The following LRP1B variants were observed in gnomAD, a reference collection of about 807,000 sequenced individuals.
LRP1B encodes low-density lipoprotein receptor-related protein 1B.
In LRP1B, 217 loss-of-function variants were observed where a neutral mutation model predicts 556.6. The observed-to-expected ratio is 0.39, with a 90% CI of 0.35 to 0.44. LRP1B has a LOEUF of 0.44. Ranked by LOEUF, LRP1B falls within the 20% of genes least tolerant of loss-of-function variation. LRP1B has a pLI of 1.00. For missense variants in LRP1B, 5,053 were observed against 5,620.8 expected (o/e 0.90, Z 3.23); for synonymous variants, 2,047 against 1,865.8 (o/e 1.10, Z -2.50).
intron 10 of LRP1B, among the ~76,000 whole-genome samples, chr2:141,052,066 A>G (rs1393425420): frequency 6.6e-6 from 1 of 151,892 alleles, no homozygotes; most frequent in Non-Finnish European, 1.5e-5. Flanking sequence ...CATTTTCCAA[A>G]TGGTTTTCTG....
chr2:140,313,933 A>C (rs1684412548), intron 83 of LRP1B, among the ~76,000 whole-genome samples: 1 of 151,980 alleles, frequency 6.6e-6, no homozygotes, highest in Admixed American at 6.6e-5. Context: ...TTAATAAGAA[A>C]ATATTTATAG....
intron 1 of LRP1B, among the ~76,000 whole-genome samples, chr2:141,935,815 C>T (rs984749623): frequency 6.6e-6 from 1 of 152,094 alleles, no homozygotes; most frequent in Non-Finnish European, 1.5e-5. Context: ...AACTTTAAAT[C>T]CAAAAAGCAC....
At chr2:141,703,175 A>G (rs1302607895) in intron 2 of LRP1B, among the ~76,000 whole-genome samples, 1 of 151,940 alleles carries the variant, frequency 6.6e-6, no homozygotes, top group Non-Finnish European at 1.5e-5. Context: ...TAAATATTAG[A>G]AAAGTGTATG....
chr2:140,495,829 A>C, intron 55 of LRP1B, 81 bp from the exon 56 acceptor site: 2 of 1,179,472 alleles, frequency 1.7e-6, no homozygotes, highest in South Asian at 1.6e-5. Context: ...AGCATTAAGC[A>C]AGAAAAGCAT....
At chr2:140,944,204 C>T (rs1695479004) in intron 20 of LRP1B, among the ~76,000 whole-genome samples, 1 of 152,044 alleles carries the variant, frequency 6.6e-6, no homozygotes, top group African/African-American at 2.4e-5. Context: ...CACACAACTT[C>T]CTAGATTAAA....
intron 7 of LRP1B, among the ~76,000 whole-genome samples, chr2:141,162,957 A>G (rs1015681109): frequency 6.6e-6 from 1 of 152,128 alleles, no homozygotes; most frequent in Admixed American, 6.6e-5. Context: ...AGAAGAAGCC[A>G]AGACATTAAT....
intron 64 of LRP1B, 25 bp from the exon 65 acceptor site, chr2:140,444,474 G>T: frequency 6.2e-7 from 1 of 1,613,704 alleles, no homozygotes; most frequent in Non-Finnish European, 8.5e-7. Context: ...GAGAGAGAGA[G>T]AGAAAATTTG....
At chr2:141,117,232 C>T (rs1700928048) in intron 7 of LRP1B, among the ~76,000 whole-genome samples, 1 of 69,802 alleles carries the variant, frequency 1.4e-5, no homozygotes, top group Non-Finnish European at 3.0e-5. Context: ...TGTTTGGCTA[C>T]TTCATTTTTT....
At chr2:141,832,170 T>G (rs918586286) in intron 1 of LRP1B, among the ~76,000 whole-genome samples, 3 of 151,724 alleles carry the variant, frequency 2.0e-5, no homozygotes, top group Non-Finnish European at 4.4e-5. Flanking sequence ...ATCACTCAAT[T>G]TTTAAAAAAT....
At chr2:141,193,873 T>C (rs946206369) in intron 6 of LRP1B, among the ~76,000 whole-genome samples, 1 of 152,092 alleles carries the variant, frequency 6.6e-6, no homozygotes, top group East Asian at 1.9e-4. Context: ...TTCATTCTCC[T>C]GGGGAATATA....
intron 1 of LRP1B, among the ~76,000 whole-genome samples, chr2:141,865,063 A>T (rs932266741): frequency 3.3e-5 from 5 of 152,170 alleles, no homozygotes; most frequent in African/African-American, 9.7e-5. Context: ...TCTCCATTTT[A>T]CATATTAAAT....
chr2:140,534,339 T>G (rs1464147627), intron 46 of LRP1B, among the ~76,000 whole-genome samples, 199 bp from the exon 47 acceptor site: 1 of 152,194 alleles, frequency 6.6e-6, no homozygotes, highest in Non-Finnish European at 1.5e-5. Flanking sequence ...CTTTTTGACT[T>G]AGTGTTTTAA....
At chr2:140,883,585 C>T (rs1693541210) in intron 25 of LRP1B, among the ~76,000 whole-genome samples, 1 of 151,798 alleles carries the variant, frequency 6.6e-6, no homozygotes, top group Non-Finnish European at 1.5e-5. Context: ...CATTTTGAGC[C>T]TCTAAAAGTA....
At chr2:140,708,571 T>C (rs1686923070) in intron 37 of LRP1B, among the ~76,000 whole-genome samples, 1 of 119,576 alleles carries the variant, frequency 8.4e-6, no homozygotes. Context: ...CATGTTATAG[T>C]TCATTTTTCA....
intron 1 of LRP1B, among the ~76,000 whole-genome samples, chr2:142,040,716 A>G (rs1052933102): frequency 1.3e-5 from 2 of 151,012 alleles, no homozygotes; most frequent in African/African-American, 2.4e-5. Flanking sequence ...GCCTTTGTCT[A>G]TGAGTGATTC....
chr2:142,054,167 C>T (rs891872132), intron 1 of LRP1B, among the ~76,000 whole-genome samples: 1 of 152,066 alleles, frequency 6.6e-6, no homozygotes, highest in Non-Finnish European at 1.5e-5. Flanking sequence ...ATTATTTTCA[C>T]AAGAATATGA....
intron 11 of LRP1B, among the ~76,000 whole-genome samples, chr2:141,046,793 C>T (rs1284299888): frequency 6.6e-6 from 1 of 152,068 alleles, no homozygotes; most frequent in Admixed American, 6.6e-5. Flanking sequence ...TTGAAAGTGT[C>T]TGTGTTGGCC....
chr2:140,333,226 T>C (rs946497858), intron 79 of LRP1B, among the ~76,000 whole-genome samples: 5 of 152,036 alleles, frequency 3.3e-5, no homozygotes, highest in Non-Finnish European at 7.4e-5. Context: ...TCTTTCAATA[T>C]CCCCCTGCTA....
At chr2:140,461,153 C>A (rs1687301959) in intron 60 of LRP1B, among the ~76,000 whole-genome samples, 1 of 151,800 alleles carries the variant, frequency 6.6e-6, no homozygotes. Context: ...TGCCTCACAG[C>A]TTGAATATAC....
Sources: allele counts gnomAD v4.1 joint callset (sites outside exome capture counted in the v4.1 genomes callset), GRCh38; gene constraint gnomAD v4.1.1; transcripts MANE v1.5; gene names NCBI Gene and HGNC (gene_info 2026-07-23, HGNC 2026-07-21).